Variants in TNR observed in about 807,000 individuals in gnomAD.
The protein encoded by TNR is tenascin R, also known as tenascin-R.
TNR carries 45 observed loss-of-function variants against 150.4 expected under a neutral mutation model. That is an observed-to-expected ratio of 0.30 (90% CI 0.24 to 0.38). The LOEUF is 0.38. Among genes scored for constraint, TNR ranks in the 10% least tolerant of loss-of-function variants. TNR has a pLI of 1.00. For missense variants in TNR, 1,544 were observed against 1,759.1 expected (o/e 0.88, Z 2.19); for synonymous variants, 687 against 678.4 (o/e 1.01, Z -0.20).
At chr1:175,674,981 G>C (rs1178355389) in intron 1 of TNR, among the ~76,000 whole-genome samples, 1 of 152,188 alleles carries the variant, frequency 6.6e-6, no homozygotes, top group East Asian at 1.9e-4. Flanking sequence ...GAAAAGCCAG[G>C]AGAAGGGGGA....
At chr1:175,458,715 C>T (rs1169933885) in intron 2 of TNR, among the ~76,000 whole-genome samples, 1 of 152,210 alleles carries the variant, frequency 6.6e-6, no homozygotes, top group African/African-American at 2.4e-5. Context: ...GGCAGGAATT[C>T]AGATAAACAG....
At chr1:175,338,326 A>G (rs1160203614) in intron 18 of TNR, among the ~76,000 whole-genome samples, 1 of 152,256 alleles carries the variant, frequency 6.6e-6, no homozygotes, top group Non-Finnish European at 1.5e-5. Flanking sequence ...AGTAAATTGC[A>G]GCTCATCTTT....
intron 1 of TNR, among the ~76,000 whole-genome samples, chr1:175,578,056 G>A (rs2102225843): frequency 6.6e-6 from 1 of 152,320 alleles, no homozygotes; most frequent in South Asian, 2.1e-4. Context: ...CCTGCCGTGT[G>A]CTGGATGCTC....
rs184056274 is a variant in TNR, at chr1:175,486,665, T to A, written c.-64+41604A>T. ...GTAATGGGATTGCTGGGTCAAATAG[T>A]GTTTCTTGTTTTAGATCCTTGAGGA... On this transcript the variant is annotated intron_variant, in intron 2 of 22. Transcript: ENST00000367674. Among the ~76,000 whole-genome samples, 15 of 152,312 alleles carry A rather than the reference T, an allele frequency of 9.8e-5. No individual in the cohort carries two copies. In the East Asian group the frequency reaches 2.9e-3, roughly 29 times the overall value.
At chr1:175,383,716 G>A (rs1456183366) in intron 8 of TNR, among the ~76,000 whole-genome samples, 5 of 152,166 alleles carry the variant, frequency 3.3e-5, no homozygotes, top group East Asian at 1.9e-4. Flanking sequence ...GAATTTAAGC[G>A]GAGCTCTGAA....
chr1:175,742,263 C>T (rs758690293), intron 1 of TNR, among the ~76,000 whole-genome samples: 4 of 152,328 alleles, frequency 2.6e-5, no homozygotes, highest in East Asian at 1.9e-4. Flanking sequence ...TGCAGAGCCT[C>T]TCAGTGCTGG....
chr1:175,392,615 T>C (rs1028282260), intron 6 of TNR, among the ~76,000 whole-genome samples: 1 of 152,264 alleles, frequency 6.6e-6, no homozygotes, highest in Non-Finnish European at 1.5e-5. Flanking sequence ...ATTTATCATT[T>C]TAACTCAAAT....
chr1:175,395,768 CCTT>C (rs1653398160), intron 5 of TNR, among the ~76,000 whole-genome samples: 1 of 152,066 alleles, frequency 6.6e-6, no homozygotes, highest in African/African-American at 2.4e-5. Context: ...TTTCCTATCT[CCTT>C]CTTATTCTAC....
At chr1:175,690,857 A>G (rs1431529378) in intron 1 of TNR, among the ~76,000 whole-genome samples, 4 of 152,184 alleles carry the variant, frequency 2.6e-5, no homozygotes, top group African/African-American at 7.2e-5. Flanking sequence ...GATTGAACAT[A>G]TTCTAGATAG....
At chr1:175,637,896 G>C (rs1373660113) in intron 1 of TNR, among the ~76,000 whole-genome samples, 1 of 152,190 alleles carries the variant, frequency 6.6e-6, no homozygotes, top group African/African-American at 2.4e-5. Context: ...CCACAGTGAG[G>C]GAGATGCTGA....
chr1:175,580,100 TG>T (rs1292905381), intron 1 of TNR, among the ~76,000 whole-genome samples: 1 of 152,160 alleles, frequency 6.6e-6, no homozygotes, highest in Non-Finnish European at 1.5e-5. Flanking sequence ...AGGCAGCTGC[TG>T]GGGAGAAAAG....
intron 2 of TNR, among the ~76,000 whole-genome samples, chr1:175,488,457 G>A (rs1251208626): frequency 6.6e-6 from 1 of 152,168 alleles, no homozygotes; most frequent in East Asian, 1.9e-4. Context: ...TGCAGTGAGG[G>A]GCAATGGAGG....
chr1:175,337,551 T>C lies in TNR; in HGVS notation c.3511A>G (p.Thr1171Ala), dbSNP rs781059938. ...ACAATCCAGCCGCCCCCGTCGGTGG[T>C]CATATCACAGTACACTTGTAATTTC... ...SQKLQVYCDM[T>A]TDGGGWIVFQ... Residue 1171 changes from threonine (T) to alanine (A), a missense_variant, in exon 19 of 23, where the codon ACC (threonine) becomes GCC (alanine). Around this residue, in one of 2 missense-constraint regions of TNR, gnomAD observed 290 missense variants for 429.7 expected, o/e 0.67. Transcript: ENST00000367674. The C allele has an allele frequency of 5.6e-6, 9 of 1,613,608 alleles. No individual in the cohort carries two copies. The East Asian group carries it at 1.8e-4, about 32-fold the overall frequency.
intron 1 of TNR, among the ~76,000 whole-genome samples, chr1:175,726,292 TAGA>T (rs1558093090): frequency 6.6e-6 from 1 of 152,246 alleles, no homozygotes; most frequent in Non-Finnish European, 1.5e-5. Flanking sequence ...AGCAGTGCTA[TAGA>T]AGACCAGGAA....
chr1:175,426,273 C>T (rs114472696), intron 2 of TNR, among the ~76,000 whole-genome samples: 1,546 of 152,172 alleles, frequency 0.01, 20 homozygotes, highest in African/African-American at 0.035. Context: ...CAACATGAGG[C>T]GAGGTCTAAT....
chr1:175,523,701 G>A (rs1011833208), intron 2 of TNR, among the ~76,000 whole-genome samples: 1 of 152,114 alleles, frequency 6.6e-6, no homozygotes, highest in Non-Finnish European at 1.5e-5. Flanking sequence ...TGGACTATTA[G>A]AGCAACTTCC....
chr1:175,734,852 C>T (rs1415759713), intron 1 of TNR, among the ~76,000 whole-genome samples: 1 of 152,194 alleles, frequency 6.6e-6, no homozygotes, highest in East Asian at 1.9e-4. Flanking sequence ...AGCTGGGCTG[C>T]GTGTGAGCGA....
chr1:175,613,650 A>T (rs1228183212), intron 1 of TNR, among the ~76,000 whole-genome samples: 1 of 151,804 alleles, frequency 6.6e-6, no homozygotes, highest in Non-Finnish European at 1.5e-5. Flanking sequence ...ATTACCATCT[A>T]CTGAACAGAT....
chr1:175,576,897 T>G (rs1427134636), intron 1 of TNR, among the ~76,000 whole-genome samples: 1 of 152,190 alleles, frequency 6.6e-6, no homozygotes, highest in East Asian at 1.9e-4. Flanking sequence ...ATTTCTCTAC[T>G]CTGTGTATGA....
Sources: allele counts gnomAD v4.1 joint callset (sites outside exome capture counted in the v4.1 genomes callset), GRCh38; gene constraint gnomAD v4.1.1; regional missense constraint gnomAD v4.1.1; transcripts MANE v1.5; gene names NCBI Gene and HGNC (gene_info 2026-07-23, HGNC 2026-07-21).